The following FMO1 variants were observed in gnomAD, a reference collection of about 807,000 sequenced individuals.
The protein encoded by FMO1 is flavin-containing monooxygenase 1.
FMO1 carries 36 observed loss-of-function variants against 45.4 expected under a neutral mutation model. The ratio of observed to expected loss-of-function variants is 0.79; its 90% CI spans 0.61 to 1.05. The LOEUF (loss-of-function observed/expected upper bound fraction) is 1.05. Ranked by LOEUF, FMO1 falls within the 50% of genes least tolerant of loss-of-function variation. The pLI, the probability that FMO1 is intolerant of heterozygous loss-of-function variation, is 0.00. For synonymous variants in FMO1, 228 were observed against 227.2 expected (o/e 1.00, Z -0.03); for missense variants, 615 against 640.3 (o/e 0.96, Z 0.43).
At position 171,268,048 on chromosome 1, in the gene FMO1, A is replaced by G. The variant is rs139269367; in HGVS notation, c.321+317A>G. Among the ~76,000 whole-genome samples the G allele has an allele frequency of 4.8e-3, 737 of 152,172 alleles. 5 individuals are homozygous for G. Among genetic ancestry groups the G allele is most frequent in the African/African-American group, 0.017 (716 of 41,498 alleles). ...ATGCCTGCCCACATGGACACTGAGA[A>G]CCACCAACCCCCTTCCCCAGTCTCC... On this transcript the variant is annotated intron_variant, in intron 3 of 8. Transcript: ENST00000617670.
intron 2 of FMO1, among the ~76,000 whole-genome samples, chr1:171,263,454 T>G (rs1660464017): frequency 6.6e-6 from 1 of 152,100 alleles, no homozygotes; most frequent in African/African-American, 2.4e-5. Context: ...ATTTCTGGAG[T>G]CTGTTTCACA....
chr1:171,285,625 C>A lies in FMO1; in HGVS notation c.*81C>A. On this transcript the variant is annotated 3_prime_UTR_variant, in exon 9 of 9. Transcript: ENST00000617670. The stretch of plus-strand genomic sequence containing the variant: ...CTCTCTTACAGCAATATTGCCTTCA[C>A]AGTTATAAACTGTATTCAAATAGTA... 2 of 846,942 alleles carry A rather than the reference C, an allele frequency of 2.4e-6. No individual in the cohort carries two copies. The highest frequency in any genetic ancestry group is 3.5e-6 in the Non-Finnish European group (2 of 570,084). 52.5% of individuals were successfully genotyped at this position (846,942 alleles called of 1,614,324 possible).
intron 3 of FMO1, among the ~76,000 whole-genome samples, chr1:171,274,180 G>T (rs923008122): frequency 2.0e-5 from 3 of 148,524 alleles, no homozygotes; most frequent in African/African-American, 4.9e-5. Context: ...AACACAAATA[G>T]CTATTACTCA....
At chr1:171,271,249 T>C (rs1388795536) in intron 3 of FMO1, 4 of 1,072,034 alleles carry the variant, frequency 3.7e-6, no homozygotes, top group Non-Finnish European at 5.6e-6. Flanking sequence ...TTGTTCTCCT[T>C]TAATTTTTGG....
Position 171,267,750 on chromosome 1 carries a change from G to T in FMO1, c.321+19G>T. 1 of 1,578,154 alleles carries T rather than the reference G, an allele frequency of 6.3e-7. No individual in the cohort carries two copies. Among genetic ancestry groups the T allele is most frequent in the Non-Finnish European group, 8.7e-7 (1 of 1,155,680 alleles). Reference sequence around the variant, plus strand: ...ATTCAAGGTAAGACACAAAACATCAGTTAGTAGTCAGAAAGTATTTCCTAC... The same window carrying T: ...ATTCAAGGTAAGACACAAAACATCATTTAGTAGTCAGAAAGTATTTCCTAC... On this transcript the variant is annotated intron_variant, in intron 3 of 8. Transcript: ENST00000617670.
At chr1:171,268,461 G>C (rs1660712845) in intron 3 of FMO1, among the ~76,000 whole-genome samples, 1 of 152,168 alleles carries the variant, frequency 6.6e-6, no homozygotes, top group African/African-American at 2.4e-5. Flanking sequence ...CTTGCTATGT[G>C]AAAGAAATCT....
rs1660677491 is a variant in FMO1, at chr1:171,267,738, C to T, written c.321+7C>T. On this transcript the variant is annotated splice_region_variant and intron_variant, in intron 3 of 8. Coordinates refer to ENST00000617670, the MANE Select transcript of FMO1 (RefSeq NM_001282693.2). ...GAAACACATTCAATTCAAGGTAAGA[C>T]ACAAAACATCAGTTAGTAGTCAGAA... 1 of 1,595,966 alleles carries T rather than the reference C, an allele frequency of 6.3e-7. No individual in the cohort carries two copies. The highest frequency in any genetic ancestry group is 8.6e-7 in the Non-Finnish European group (1 of 1,168,326).
At chr1:171,272,798 C>A in intron 3 of FMO1, among the ~76,000 whole-genome samples, 1 of 152,204 alleles carries the variant, frequency 6.6e-6, no homozygotes, top group East Asian at 1.9e-4. Flanking sequence ...AACTAACCAA[C>A]TTTTGATTTT....
chr1:171,270,793 C>A (rs1276950138), intron 3 of FMO1: 1 of 791,686 alleles, frequency 1.3e-6, no homozygotes, highest in East Asian at 4.1e-5. Flanking sequence ...TCTAAAGACA[C>A]ATTCGGTAGT....
At chr1:171,270,339 C>T (rs1172619985) in intron 3 of FMO1, among the ~76,000 whole-genome samples, 2 of 152,148 alleles carry the variant, frequency 1.3e-5, no homozygotes, top group African/African-American at 2.4e-5. Context: ...ACTTTACCCC[C>T]ATATGATATG....
chr1:171,270,226 G>GA (rs1660791765), intron 3 of FMO1, among the ~76,000 whole-genome samples: 1 of 152,158 alleles, frequency 6.6e-6, no homozygotes, highest in Non-Finnish European at 1.5e-5. Flanking sequence ...GCTTTGAGTA[G>GA]ATTGATTACT....
At chr1:171,274,928 T>C (rs1661042593) in intron 3 of FMO1, among the ~76,000 whole-genome samples, 1 of 152,240 alleles carries the variant, frequency 6.6e-6, no homozygotes. Flanking sequence ...CCTCATAAGC[T>C]AATATACACA....
At chr1:171,272,407 G>T (rs573137637) in intron 3 of FMO1, among the ~76,000 whole-genome samples, 6 of 152,334 alleles carry the variant, frequency 3.9e-5, no homozygotes, top group African/African-American at 1.4e-4. Flanking sequence ...AGTCTCTACT[G>T]GGGCTCTGCC....
intron 2 of FMO1, among the ~76,000 whole-genome samples, chr1:171,265,983 TG>T (rs2101813496): frequency 6.6e-6 from 1 of 152,346 alleles, no homozygotes; most frequent in African/African-American, 2.4e-5. Context: ...AAGCTGATAG[TG>T]CTACATTTTT....
chr1:171,268,081 T>G (rs987682606), intron 3 of FMO1, among the ~76,000 whole-genome samples: 5 of 151,932 alleles, frequency 3.3e-5, no homozygotes, highest in Non-Finnish European at 7.4e-5. Flanking sequence ...TCCTGTTTGG[T>G]TTTTTGTCTG....
chr1:171,285,144 T>C (rs1661565744), intron 8 of FMO1, 58 bp from the exon 9 acceptor site: 8 of 1,194,902 alleles, frequency 6.7e-6, no homozygotes, highest in African/African-American at 1.5e-5. Flanking sequence ...CTTGTACTTG[T>C]TCTAAGATTA....
Position 171,275,371 on chromosome 1 carries a change from G to A in FMO1, c.347G>A (p.Cys116Tyr), listed in dbSNP as rs199637755. 9.7e-5 allele frequency: 156 copies of A among 1,613,878 alleles called. 1 individual carries two copies. In the East Asian group the frequency reaches 3.5e-3, roughly 36 times the overall value. The change falls in exon 4 of 9, where the codon TGC becomes TAC. Residue 116 changes from cysteine to tyrosine, a missense_variant. By Grantham distance (194) the Cys-to-Tyr change is radical. Coordinates refer to ENST00000617670, the MANE Select transcript of FMO1 (RefSeq NM_001282693.2). ...FKTKVCSVTKCSDSAVSGQWE... is the reference protein window; with the variant it reads ...FKTKVCSVTKYSDSAVSGQWE... ...ACCAAAGTCTGCAGTGTAACAAAATGCTCAGATTCTGCTGTCTCTGGCCAA... is the reference window on the plus strand; with the variant it reads ...ACCAAAGTCTGCAGTGTAACAAAATACTCAGATTCTGCTGTCTCTGGCCAA...
intron 2 of FMO1, among the ~76,000 whole-genome samples, chr1:171,260,476 TG>T (rs1161450671): frequency 6.6e-6 from 1 of 151,640 alleles, no homozygotes; most frequent in Non-Finnish European, 1.5e-5. Flanking sequence ...CCCCAGAGAT[TG>T]GAGGGGAAGG....
intron 6 of FMO1, 96 bp downstream of exon 6, chr1:171,281,081 T>C (rs1004990402): frequency 1.1e-6 from 1 of 938,678 alleles, no homozygotes; most frequent in South Asian, 1.5e-5. Context: ...GCAACATGGC[T>C]GAATGTGTGG....
Sources: gnomAD v4.1 joint callset for allele counts (sites outside exome capture counted in the v4.1 genomes callset) on GRCh38, gnomAD v4.1.1 for gene constraint, MANE v1.5 for transcripts, NCBI Gene and HGNC (gene_info 2026-07-23, HGNC 2026-07-21) for gene names.